The following UGT2A2 variants were observed in gnomAD, a reference collection of about 807,000 sequenced individuals.
The protein encoded by UGT2A2 is UDP glucuronosyltransferase family 2 member A2.
Under a neutral mutation model 50.7 loss-of-function variants are expected in UGT2A2, and 60 were observed. The ratio of observed to expected loss-of-function variants is 1.18; its 90% CI spans 0.96 to 1.47. UGT2A2 has a LOEUF of 1.47. Ranked by LOEUF, UGT2A2 falls within the 40% of genes most tolerant of loss-of-function variation. The pLI is 0.00. For missense variants in UGT2A2, 762 were observed against 634.0 expected (o/e 1.20, Z -2.17); for synonymous variants, 242 against 214.6 (o/e 1.13, Z -1.11).
Position 69,639,554 on chromosome 4 carries a change from A to G in UGT2A2, c.87T>C (p.Ser29=). 3 of 1,612,694 alleles carry G rather than the reference A, an allele frequency of 1.9e-6. No homozygotes were observed. Among genetic ancestry groups the G allele is most frequent in the Non-Finnish European group, 1.7e-6 (2 of 1,179,350 alleles). ...CTGTAGGCCAAATTAACACATTCCC[A>G]CTTAGAACAACTTCAGTCAGAGTCA... ...FNLTLTEVVL[S]GNVLIWPTDG... is the part of the protein sequence containing the mutation. The change falls in exon 1 of 6, where the codon AGT becomes AGC. Residue 29 remains serine, a synonymous_variant. Transcript: ENST00000604629.
chr4:69,638,910 C>G lies in UGT2A2; in HGVS notation c.731G>C (p.Ser244Thr), dbSNP rs1349674961. 6.3e-7 allele frequency: 1 copy of G among 1,582,324 alleles called. No homozygotes were observed. Among genetic ancestry groups the G allele is most frequent in the Non-Finnish European group, 8.6e-7 (1 of 1,164,398 alleles). ...SYWGEWNSYY[S>T]KILGRPTTLC... ...AATTTTAGACTTACCTAAAATTTTGCTATAGTATGAATTCCATTCTCCCCA... is the reference window on the plus strand; with the variant it reads ...AATTTTAGACTTACCTAAAATTTTGGTATAGTATGAATTCCATTCTCCCCA... The change falls in exon 1 of 6, where the codon AGC becomes ACC. Residue 244 changes from serine (S) to threonine (T), a missense_variant. Coordinates refer to ENST00000604629, the MANE Select transcript of UGT2A2 (RefSeq NM_001105677.2).
At chr4:69,598,594 C>T (rs1719070348) in intron 2 of UGT2A2, among the ~76,000 whole-genome samples, 1 of 152,030 alleles carries the variant, frequency 6.6e-6, no homozygotes, top group Non-Finnish European at 1.5e-5. Context: ...CTAATGCTTC[C>T]TGCTTGAATT....
At chr4:69,627,521 G>GA (rs1721138259) in intron 1 of UGT2A2, among the ~76,000 whole-genome samples, 1 of 126,172 alleles carries the variant, frequency 7.9e-6, no homozygotes, top group African/African-American at 3.0e-5. Context: ...AAGAAAGAAA[G>GA]AAGAAAGAAA....
At position 69,589,492 on chromosome 4, in the gene UGT2A2, A is replaced by C; in HGVS notation, c.1491T>G (p.Ser497=). The change falls in exon 6 of 6, where the codon TCT becomes TCG. Residue 497 remains serine, a synonymous_variant. Transcript: ENST00000604629. ...AHDLTWFQYH[S]LDVIGFLLVC... ...CCAGCAAGAACCCAATTACATCCAA[A>C]GAGTGGTACTGGAACCAGGTGAGGT... 6.2e-7 allele frequency: 1 copy of C among 1,614,108 alleles called. No individual in the cohort carries two copies. Among genetic ancestry groups the C allele is most frequent in the Non-Finnish European group, 8.5e-7 (1 of 1,180,004 alleles).
chr4:69,596,531 A>G, intron 2 of UGT2A2, 150 bp from the exon 3 acceptor site: 1 of 1,233,356 alleles, frequency 8.1e-7, no homozygotes, highest in Non-Finnish European at 1.0e-6. Flanking sequence ...TCTAGTTTCT[A>G]TATTTTTTTT....
intron 1 of UGT2A2, among the ~76,000 whole-genome samples, chr4:69,620,623 T>C (rs1307456473): frequency 1.6e-5 from 2 of 126,084 alleles, no homozygotes; most frequent in African/African-American, 5.8e-5. Flanking sequence ...GAATTAGAAA[T>C]AAAAAACTAT....
intron 1 of UGT2A2, among the ~76,000 whole-genome samples, chr4:69,608,668 C>T (rs916292774): frequency 5.3e-5 from 8 of 151,856 alleles, no homozygotes; most frequent in Admixed American, 5.3e-4. Context: ...CTCAACTCTG[C>T]AAAATACACA....
chr4:69,622,440 G>A (rs1042233510), intron 1 of UGT2A2, among the ~76,000 whole-genome samples: 1 of 151,536 alleles, frequency 6.6e-6, no homozygotes, highest in Admixed American at 6.6e-5. Flanking sequence ...TACATAGAAA[G>A]TAAAAGAGAA....
rs1719362832 is a variant in UGT2A2 at position 69,602,636 on chromosome 4, G to A, written c.743-3242C>T. Among the ~76,000 whole-genome samples, 2 of 137,054 alleles carry A rather than the reference G, an allele frequency of 1.5e-5. 1 individual carries two copies. Among genetic ancestry groups the A allele is most frequent in the African/African-American group, 5.9e-5 (2 of 34,010 alleles). 89.9% of individuals were successfully genotyped at this position (137,054 alleles called of 152,430 possible). A position where few individuals can be genotyped will look rare whatever the true frequency, so the allele number is the denominator to read the frequency against. ...CTGAAATTTCTGTGCACAAGTAAAC[G>A]AAGATTTAATTTAAAAACTAAATTT... On this transcript the variant is annotated intron_variant, in intron 1 of 5. Coordinates refer to ENST00000604629, the MANE Select transcript of UGT2A2 (RefSeq NM_001105677.2).
At chr4:69,592,377 A>C (rs1718642595) in intron 5 of UGT2A2, among the ~76,000 whole-genome samples, 1 of 152,186 alleles carries the variant, frequency 6.6e-6, no homozygotes, top group Non-Finnish European at 1.5e-5. Flanking sequence ...AACCACTTAC[A>C]CATATTGAAA....
Position 69,604,831 on chromosome 4 carries a change from T to C in UGT2A2, c.743-5437A>G, listed in dbSNP as rs1005863678. Among the ~76,000 whole-genome samples the C allele has an allele frequency of 7.3e-5, 10 of 136,796 alleles. 2 individuals are homozygous for C. The highest frequency in any genetic ancestry group is 1.4e-4 in the Non-Finnish European group (9 of 64,288). 89.7% of individuals were successfully genotyped at this position (136,796 alleles called of 152,430 possible). A position where few individuals can be genotyped will look rare whatever the true frequency, so the allele number is the denominator to read the frequency against. Reference sequence around the variant, plus strand: ...GATCAAAAGAGACAAAGAAGGCCATTACATAATGGTAAAAGGATCAATTCA... The same window carrying C: ...GATCAAAAGAGACAAAGAAGGCCATCACATAATGGTAAAAGGATCAATTCA... On this transcript the variant is annotated intron_variant, in intron 1 of 5. Coordinates refer to ENST00000604629, the MANE Select transcript of UGT2A2 (RefSeq NM_001105677.2).
At chr4:69,597,359 AG>A (rs1718989529) in intron 2 of UGT2A2, among the ~76,000 whole-genome samples, 1 of 152,220 alleles carries the variant, frequency 6.6e-6, no homozygotes, top group African/African-American at 2.4e-5. Flanking sequence ...TGAGCCTTAA[AG>A]CAAAATTAAA....
At position 69,615,510 on chromosome 4, in the gene UGT2A2, C is replaced by T. The variant is rs369054070; in HGVS notation, c.743-16116G>A. On this transcript the variant is annotated intron_variant, in intron 1 of 5. Coordinates refer to ENST00000604629, the MANE Select transcript of UGT2A2 (RefSeq NM_001105677.2). Reference sequence around the variant, plus strand: ...ATTGATAAGTAGAATATATCAGCAGCTCAAACAATTCAAAAAGAAAAGAAT... The same window carrying T: ...ATTGATAAGTAGAATATATCAGCAGTTCAAACAATTCAAAAAGAAAAGAAT... Among the ~76,000 whole-genome samples the T allele has an allele frequency of 3.3e-5, 5 of 152,042 alleles. No individual in the cohort carries two copies. In the East Asian group the frequency reaches 5.8e-4, roughly 18 times the overall value.
At chr4:69,599,889 C>T (rs1446359778) in intron 1 of UGT2A2, 1 of 152,752 alleles carries the variant, frequency 6.5e-6, no homozygotes, top group African/African-American at 2.4e-5. Flanking sequence ...ACAAATTAAA[C>T]ATTCATTTTC....
At chr4:69,634,177 G>A (rs1310083716) in intron 1 of UGT2A2, among the ~76,000 whole-genome samples, 1 of 151,938 alleles carries the variant, frequency 6.6e-6, no homozygotes, top group Non-Finnish European at 1.5e-5. Context: ...CCCGGGAGGC[G>A]GAGCTTGCAG....
At chr4:69,589,781 T>C in intron 5 of UGT2A2, 130 bp from the exon 6 acceptor site, 4 of 1,329,388 alleles carry the variant, frequency 3.0e-6, no homozygotes, top group Non-Finnish European at 3.0e-6. Flanking sequence ...AATTCTTGCA[T>C]GAACTTTGTT....
chr4:69,611,860 G>A (rs139099625), intron 1 of UGT2A2, among the ~76,000 whole-genome samples: 1 of 152,074 alleles, frequency 6.6e-6, no homozygotes, highest in Non-Finnish European at 1.5e-5. Flanking sequence ...GATTGCCCTA[G>A]TTTCCCTCAT....
At chr4:69,618,379 A>G (rs1720543027) in intron 1 of UGT2A2, among the ~76,000 whole-genome samples, 1 of 151,888 alleles carries the variant, frequency 6.6e-6, no homozygotes, top group Non-Finnish European at 1.5e-5. Context: ...GGGAGATTCC[A>G]CTACAGGTTG....
intron 1 of UGT2A2, among the ~76,000 whole-genome samples, chr4:69,629,732 TG>T (rs1258340413): frequency 1.3e-5 from 2 of 152,078 alleles, no homozygotes; most frequent in Admixed American, 1.3e-4. Context: ...TGATCTTTTC[TG>T]GGCTACCCTT....
Sources: gnomAD v4.1 joint callset for allele counts (sites outside exome capture counted in the v4.1 genomes callset) on GRCh38, gnomAD v4.1.1 for gene constraint, MANE v1.5 for transcripts, NCBI Gene and HGNC (gene_info 2026-07-23, HGNC 2026-07-21) for gene names.